Variants in BTG4 observed in about 807,000 individuals in gnomAD.
BTG4 encodes the protein BTG anti-proliferation factor 4.
A neutral mutation model predicts 19.3 loss-of-function variants in BTG4; 10 were observed. The observed-to-expected ratio is 0.52, with a 90% CI of 0.32 to 0.88. The LOEUF (loss-of-function observed/expected upper bound fraction) is 0.88. BTG4 is among the 40% of genes least tolerant of loss of function. The pLI, the probability that BTG4 is intolerant of heterozygous loss-of-function variation, is 0.04. For missense variants in BTG4, 238 were observed against 281.9 expected, an observed-to-expected ratio of 0.84 and a Z score of 1.11; for synonymous variants, 91 against 95.7, an observed-to-expected ratio of 0.95 and a Z score of 0.29.
chr11:111,504,739 A>G (rs777382887), intron 1 of BTG4, among the ~76,000 whole-genome samples: 4 of 151,932 alleles, frequency 2.6e-5, no homozygotes, highest in Non-Finnish European at 5.9e-5. Context: ...CCTCTAGAAG[A>G]CTCCTTGGCC....
rs1867006598 is a variant in BTG4, at chr11:111,512,323, C to T, written c.-169G>A. Reference sequence around the variant, plus strand: ...ACGTCTCAAGAATCTGGGCCTCCATCTTCTAGGCGTCTCCCTTGGAGGCCC... The same window carrying T: ...ACGTCTCAAGAATCTGGGCCTCCATTTTCTAGGCGTCTCCCTTGGAGGCCC... On this transcript the variant is annotated 5_prime_UTR_variant, in exon 1 of 5. Transcript: ENST00000692032. The T allele has an allele frequency of 6.6e-6, 1 of 152,238 alleles. No individual in the cohort carries two copies. Among genetic ancestry groups the T allele is most frequent in the South Asian group, 2.1e-4 (1 of 4,828 alleles). 9.4% of individuals were successfully genotyped at this position (152,238 alleles called of 1,614,324 possible).
chr11:111,478,209 G>GC (rs2135560489), intron 5 of BTG4, among the ~76,000 whole-genome samples: 1 of 152,242 alleles, frequency 6.6e-6, no homozygotes, highest in South Asian at 2.1e-4. Flanking sequence ...GGCCACCCTG[G>GC]CCTCAGTGTT....
the BTG4 span, among the ~76,000 whole-genome samples, chr11:111,431,599 T>C: frequency 6.6e-6 from 1 of 152,294 alleles, no homozygotes; most frequent in East Asian, 1.9e-4. Context: ...TCAACAGAAG[T>C]TAACTGATTC....
At chr11:111,473,540 G>A (rs1036839138) in intron 5 of BTG4, 1 of 152,122 alleles carries the variant, frequency 6.6e-6, no homozygotes, top group African/African-American at 2.4e-5. Flanking sequence ...ATAAAAGGTT[G>A]GAAATGAGTG....
At chr11:111,473,084 A>T (rs929665266) in intron 5 of BTG4, among the ~76,000 whole-genome samples, 2 of 151,870 alleles carry the variant, frequency 1.3e-5, no homozygotes, top group African/African-American at 4.8e-5. Context: ...TAGAAGTGAA[A>T]AAAAAAAAAA....
At chr11:111,455,415 GAGA>G in the BTG4 span, 2 of 239,166 alleles carry the variant, frequency 8.4e-6, no homozygotes, top group East Asian at 1.9e-4. Context: ...GGCTGCAGAA[GAGA>G]AGGCCAGCCG....
At chr11:111,420,504 T>G in the BTG4 span, among the ~76,000 whole-genome samples, 1 of 152,208 alleles carries the variant, frequency 6.6e-6, no homozygotes, top group African/African-American at 2.4e-5. Flanking sequence ...TAGCAGAGAC[T>G]CTGGGGGAGA....
the BTG4 span, among the ~76,000 whole-genome samples, chr11:111,454,725 AC>A: frequency 3.3e-5 from 5 of 151,382 alleles, no homozygotes; most frequent in African/African-American, 1.2e-4. Flanking sequence ...AAGTCCAAGT[AC>A]CAAAACTGGG....
the BTG4 span, among the ~76,000 whole-genome samples, chr11:111,458,639 G>C: frequency 6.6e-6 from 1 of 151,998 alleles, no homozygotes; most frequent in African/African-American, 2.4e-5. Flanking sequence ...CCTTCATTCT[G>C]CAGCAGTCTT....
At chr11:111,487,323 T>G (rs1407195285) in intron 5 of BTG4, among the ~76,000 whole-genome samples, 1 of 152,200 alleles carries the variant, frequency 6.6e-6, no homozygotes, top group African/African-American at 2.4e-5. Context: ...TTATATTCCT[T>G]TGGGTATATA....
At chr11:111,383,844 G>A in the BTG4 span, among the ~76,000 whole-genome samples, 4 of 152,040 alleles carry the variant, frequency 2.6e-5, no homozygotes, top group African/African-American at 9.7e-5. Flanking sequence ...AATTAATTTG[G>A]TCCAGCTGAG....
chr11:111,393,426 G>A, the BTG4 span, among the ~76,000 whole-genome samples: 3 of 152,092 alleles, frequency 2.0e-5, no homozygotes, highest in Non-Finnish European at 2.9e-5. Context: ...CAGAACCCAC[G>A]GGTGCCTGAG....
chr11:111,455,792 T>C, the BTG4 span: 2 of 454,972 alleles, frequency 4.4e-6, no homozygotes, highest in African/African-American at 2.0e-5. Flanking sequence ...CTGGGCCACC[T>C]GTCCCAGGTC....
downstream of BTG4, among the ~76,000 whole-genome samples, chr11:111,493,901 T>C (rs1865567416): frequency 6.6e-6 from 1 of 152,174 alleles, no homozygotes; most frequent in Admixed American, 6.5e-5. Flanking sequence ...TCATCAGCAC[T>C]AGCATGACTG....
the BTG4 span, among the ~76,000 whole-genome samples, chr11:111,461,425 C>T: frequency 2.6e-5 from 4 of 152,148 alleles, no homozygotes; most frequent in East Asian, 7.7e-4. Flanking sequence ...GAGGGAGGAA[C>T]CAGGGAGCTT....
At chr11:111,434,049 G>A in the BTG4 span, among the ~76,000 whole-genome samples, 7 of 152,078 alleles carry the variant, frequency 4.6e-5, no homozygotes, top group Non-Finnish European at 7.4e-5. Context: ...CCCATTACTG[G>A]GTATATACCC....
intron 1 of BTG4, among the ~76,000 whole-genome samples, chr11:111,507,641 C>T (rs1188778537): frequency 1.3e-5 from 2 of 152,134 alleles, no homozygotes; most frequent in African/African-American, 4.8e-5. Flanking sequence ...AATTCGTAAG[C>T]GTATGAATTT....
At chr11:111,509,528 C>G (rs1320486145) in intron 1 of BTG4, among the ~76,000 whole-genome samples, 1 of 151,992 alleles carries the variant, frequency 6.6e-6, no homozygotes, top group Non-Finnish European at 1.5e-5. Flanking sequence ...AACCCCATCT[C>G]TACTAAAAAT....
the BTG4 span, chr11:111,455,087 A>T: frequency 1.3e-4 from 58 of 455,024 alleles, 1 homozygote; most frequent in South Asian, 9.0e-4. Context: ...GAGCAGCAGC[A>T]GGTGGGCTTG....
Sources: allele counts gnomAD v4.1 joint callset (sites outside exome capture counted in the v4.1 genomes callset), GRCh38; gene constraint gnomAD v4.1.1; transcripts MANE v1.5; gene names NCBI Gene and HGNC (gene_info 2026-07-23, HGNC 2026-07-21).